Variants in GPR157 observed in about 807,000 individuals in gnomAD.
GPR157 encodes the protein G-protein coupled receptor 157.
In GPR157, 16 loss-of-function variants were observed where a neutral mutation model predicts 23.5. That is an observed-to-expected ratio of 0.68 (90% CI 0.46 to 1.04). The LOEUF (loss-of-function observed/expected upper bound fraction) is 1.04. GPR157 is among the 50% of genes least tolerant of loss of function. The pLI is 0.00. For synonymous variants in GPR157, 200 were observed against 221.5 expected (o/e 0.90, Z 0.86); for missense variants, 440 against 460.7 (o/e 0.96, Z 0.41).
Position 9,112,785 on chromosome 1 carries a change from C to T in GPR157, c.384-1296G>A, listed in dbSNP as rs142831984. On this transcript the variant is annotated intron_variant, in intron 1 of 3. Transcript: ENST00000377411. ...AGTTTTCTAGAGCGCTCTCCCACAG[C>T]CAGCCACACAGCCAGGAGTAGGCCC... is the stretch of plus-strand genomic sequence containing the variant. Among the ~76,000 whole-genome samples the T allele has an allele frequency of 1.8e-4, 27 of 152,284 alleles. No individual in the cohort carries two copies. In the East Asian group the frequency reaches 3.1e-3, roughly 17 times the overall value.
chr1:9,117,757 G>A (rs780053834), intron 1 of GPR157, among the ~76,000 whole-genome samples: 14 of 151,606 alleles, frequency 9.2e-5, no homozygotes, highest in South Asian at 2.1e-4. Context: ...GTGGGACTCC[G>A]TCTCAAAAAA....
chr1:9,104,111 G>C lies in GPR157; in HGVS notation c.*308C>G, dbSNP rs1431871943. 7.9e-6 allele frequency: 3 copies of C among 378,386 alleles called. No individual in the cohort carries two copies. Among genetic ancestry groups the C allele is most frequent in the Non-Finnish European group, 1.5e-5 (3 of 201,010 alleles). The allele number at this position is 378,386 out of a possible 1,614,324, so 23.4% of individuals were successfully genotyped here. On this transcript the variant is annotated 3_prime_UTR_variant, in exon 4 of 4. Coordinates refer to ENST00000377411, the MANE Select transcript of GPR157 (RefSeq NM_024980.5). The stretch of plus-strand genomic sequence containing the variant: ...TGCTGTGTGGTCCTCAGGACATCAA[G>C]GTCCACTGGGTGGGGGCACTGTGGC...
Position 9,123,160 on chromosome 1 carries a change from T to TA in GPR157, c.383+5484_383+5485insT, listed in dbSNP as rs1638836013. Among the ~76,000 whole-genome samples, 9 of 103,284 alleles carry TA rather than the reference T, an allele frequency of 8.7e-5. No homozygotes were observed. The South Asian group carries it at 2.7e-3, about 31-fold the overall frequency. The allele number at this position is 103,284 out of a possible 152,430, so 67.8% of individuals were successfully genotyped here. ...GCAACAAGAGTGAAACTGTCTTGGG[T>TA]GGGAAAAAAAAAAAATATATATATA... On this transcript the variant is annotated intron_variant, in intron 1 of 3. Coordinates refer to ENST00000377411, the MANE Select transcript of GPR157 (RefSeq NM_024980.5).
rs370603923 is a variant in GPR157, at chr1:9,109,534, AG to A, written c.597+1741del. Among the ~76,000 whole-genome samples, 23 of 152,188 alleles carry A rather than the reference AG, an allele frequency of 1.5e-4. No individual in the cohort carries two copies. In the East Asian group the frequency reaches 3.9e-3, roughly 26 times the overall value. On this transcript the variant is annotated intron_variant, in intron 2 of 3. Transcript: ENST00000377411. ...CAGTCTCCCGAGTAGCTGGGACTAC[AG>A]GTGTGTGCCACCACATCCAGCTAAT...
intron 1 of GPR157, among the ~76,000 whole-genome samples, chr1:9,123,461 A>G (rs1161917780): frequency 2.5e-5 from 3 of 120,770 alleles, no homozygotes; most frequent in Non-Finnish European, 4.8e-5. Flanking sequence ...TAAAATATAT[A>G]TTTAATTTAA....
intron 1 of GPR157, among the ~76,000 whole-genome samples, chr1:9,112,004 G>T (rs1638515999): frequency 6.6e-6 from 1 of 152,170 alleles, no homozygotes; most frequent in Non-Finnish European, 1.5e-5. Flanking sequence ...GTATACATGT[G>T]TGTACAGAGC....
Position 9,128,095 on chromosome 1 carries a change from G to A in GPR157, c.383+550C>T, listed in dbSNP as rs1292762335. Among the ~76,000 whole-genome samples the A allele has an allele frequency of 6.6e-6, 1 of 152,030 alleles. No individual in the cohort carries two copies. The highest frequency in any genetic ancestry group is 2.4e-5 in the African/African-American group (1 of 41,406). On this transcript the variant is annotated intron_variant, in intron 1 of 3. Transcript: ENST00000377411. The surrounding 1 kb of genome is among the most constrained non-coding windows in gnomAD (Gnocchi z 6.3). Reference sequence around the variant, plus strand: ...TCTAGAACAGAAATACAAGGGGCTGGGGCCTGAGGCTAGAAACGACCAAAG... The same window carrying A: ...TCTAGAACAGAAATACAAGGGGCTGAGGCCTGAGGCTAGAAACGACCAAAG...
At chr1:9,112,681 G>A (rs192753781) in intron 1 of GPR157, among the ~76,000 whole-genome samples, 2,097 of 152,184 alleles carry the variant, frequency 0.014, 52 homozygotes, top group African/African-American at 0.049. Flanking sequence ...TTGAACTCCC[G>A]ACCTCAGGTG....
At chr1:9,123,875 C>T (rs953345854) in intron 1 of GPR157, among the ~76,000 whole-genome samples, 1 of 138,028 alleles carries the variant, frequency 7.2e-6, no homozygotes, top group South Asian at 2.2e-4. Context: ...GTCACCCAGG[C>T]TGGAGTACAA....
In GPR157 at chr1:9,105,101, G is replaced by A. The variant is rs996571882; in HGVS notation, c.792+385C>T. Among the ~76,000 whole-genome samples the A allele has an allele frequency of 6.8e-6, 1 of 146,288 alleles. No homozygotes were observed. Among genetic ancestry groups the A allele is most frequent in the Non-Finnish European group, 1.5e-5 (1 of 67,252 alleles). Reference sequence around the variant, plus strand: ...CACACATGCATACATGCACACACATGGGGTAGCTGGGAAGTGCTGTGTACC... The same window carrying A: ...CACACATGCATACATGCACACACATAGGGTAGCTGGGAAGTGCTGTGTACC... On this transcript the variant is annotated intron_variant, in intron 3 of 3. Transcript: ENST00000377411. The surrounding 1 kb of genome is among the most constrained non-coding windows in gnomAD (Gnocchi z 4.8).
intron 1 of GPR157, among the ~76,000 whole-genome samples, chr1:9,124,028 C>T (rs1638914298): frequency 6.6e-6 from 1 of 151,696 alleles, no homozygotes. Flanking sequence ...CAGGATTTTG[C>T]CATGTTGCCC....
At chr1:9,119,894 C>T (rs1216753374) in intron 1 of GPR157, among the ~76,000 whole-genome samples, 1 of 152,186 alleles carries the variant, frequency 6.6e-6, no homozygotes, top group African/African-American at 2.4e-5. Flanking sequence ...CCTGAATTCC[C>T]CTGCGTGGTG....
chr1:9,123,320 A>ATT (rs1455220004), intron 1 of GPR157, among the ~76,000 whole-genome samples: 899 of 24,540 alleles, frequency 0.037, 30 homozygotes, highest in African/African-American at 0.13. Flanking sequence ...TATATATTAA[A>ATT]ATATATATAT....
chr1:9,123,394 A>AAT (rs369014433), intron 1 of GPR157, among the ~76,000 whole-genome samples: 3 of 26,900 alleles, frequency 1.1e-4, no homozygotes, highest in Admixed American at 1.2e-3. Flanking sequence ...ATTTAATTTA[A>AAT]ATATATATTT....
In GPR157 at chr1:9,101,407, G is replaced by A. The variant is rs2124501791; in HGVS notation, c.*3012C>T. 6.6e-6 allele frequency: 1 copy of A among 152,312 alleles called. No individual in the cohort carries two copies. Among genetic ancestry groups the A allele is most frequent in the South Asian group, 2.1e-4 (1 of 4,822 alleles). The allele number at this position is 152,312 out of a possible 1,614,324, so 9.4% of individuals were successfully genotyped here. On this transcript the variant is annotated 3_prime_UTR_variant, in exon 4 of 4. Transcript: ENST00000377411. Reference sequence around the variant, plus strand: ...TCCTTCCCATCCAGCCTTTCTGTCTGAGCACTACCCACCCAGCTAGACTGA... The same window carrying A: ...TCCTTCCCATCCAGCCTTTCTGTCTAAGCACTACCCACCCAGCTAGACTGA...
intron 1 of GPR157, among the ~76,000 whole-genome samples, chr1:9,116,586 C>CA (rs1638685283): frequency 6.7e-6 from 1 of 148,296 alleles, no homozygotes; most frequent in Non-Finnish European, 1.5e-5. Flanking sequence ...ACTAAAAATA[C>CA]AAAAAAATTA....
At position 9,102,662 on chromosome 1, in the gene GPR157, G is replaced by C. The variant is rs1642580735; in HGVS notation, c.*1757C>G. 1 of 152,094 alleles carries C rather than the reference G, an allele frequency of 6.6e-6. No individual in the cohort carries two copies. The highest frequency in any genetic ancestry group is 1.5e-5 in the Non-Finnish European group (1 of 68,028). 9.4% of individuals were successfully genotyped at this position (152,094 alleles called of 1,614,324 possible). ...CAAGGGAAATCACCTATCAGGTAAA[G>C]CTGTACTTTCTCTCACCAAGACCCT... On this transcript the variant is annotated 3_prime_UTR_variant, in exon 4 of 4. Coordinates refer to ENST00000377411, the MANE Select transcript of GPR157 (RefSeq NM_024980.5).
At chr1:9,123,451 T>TC (rs1569977036) in intron 1 of GPR157, among the ~76,000 whole-genome samples, 1 of 107,236 alleles carries the variant, frequency 9.3e-6, no homozygotes, top group South Asian at 2.9e-4. Flanking sequence ...AAATACATAT[T>TC]AAAATATATA....
intron 3 of GPR157, among the ~76,000 whole-genome samples, chr1:9,104,852 T>C (rs1009103127): frequency 6.6e-6 from 1 of 151,452 alleles, no homozygotes; most frequent in African/African-American, 2.4e-5. Context: ...AATACAAAAA[T>C]TAGCTGGGCA....
Sources: allele counts gnomAD v4.1 joint callset (sites outside exome capture counted in the v4.1 genomes callset), GRCh38; gene constraint gnomAD v4.1.1; non-coding constraint Gnocchi (gnomAD v3.1); transcripts MANE v1.5; gene names NCBI Gene and HGNC (gene_info 2026-07-23, HGNC 2026-07-21).